Variants in LOXL2 observed in about 807,000 individuals in gnomAD.
The protein encoded by LOXL2 is lysyl oxidase homolog 2.
A neutral mutation model predicts 93.0 loss-of-function variants in LOXL2; 70 were observed. The ratio of observed to expected loss-of-function variants is 0.75; its 90% CI spans 0.62 to 0.92. The LOEUF is 0.92. Ranked by LOEUF, LOXL2 falls within the 40% of genes least tolerant of loss-of-function variation. LOXL2 has a pLI of 0.00. For synonymous variants in LOXL2, 438 were observed against 413.2 expected, an observed-to-expected ratio of 1.06 and a Z score of -0.73; for missense variants, 973 against 1,054.9, an observed-to-expected ratio of 0.92 and a Z score of 1.08.
chr8:23,388,184 T>C (rs1400132022), intron 1 of LOXL2, among the ~76,000 whole-genome samples: 1 of 152,290 alleles, frequency 6.6e-6, no homozygotes, highest in East Asian at 1.9e-4. Context: ...GTTGCTTACA[T>C]TTAATTTTGA....
At chr8:23,305,510 C>G (rs1276414664) in intron 10 of LOXL2, among the ~76,000 whole-genome samples, 2 of 150,314 alleles carry the variant, frequency 1.3e-5, no homozygotes, top group African/African-American at 4.9e-5. Flanking sequence ...CCCCCCCACA[C>G]CCCCCGCCCA....
chr8:23,384,263 G>C (rs992045661), intron 1 of LOXL2, among the ~76,000 whole-genome samples: 2 of 152,186 alleles, frequency 1.3e-5, no homozygotes, highest in African/African-American at 4.8e-5. Context: ...TGATCCCAGC[G>C]AAGCACAGCT....
In LOXL2 at chr8:23,404,039, T is replaced by G. The variant is rs1018664021; in HGVS notation, c.-169A>C. The stretch of plus-strand genomic sequence containing the variant: ...CGCTTCCGCCGCCGCTGAGCCCCTT[T>G]CTCGAGCAGAGGGGGCGGCTCTGGT... On this transcript the variant is annotated 5_prime_UTR_variant, in exon 1 of 14. Transcript: ENST00000389131. The G allele has an allele frequency of 2.6e-5, 5 of 193,786 alleles. No homozygotes were observed. Among genetic ancestry groups the G allele is most frequent in the African/African-American group, 1.2e-4 (5 of 41,802 alleles). The allele number at this position is 193,786 out of a possible 1,614,324, so 12.0% of individuals were successfully genotyped here.
chr8:23,330,324 A>G (rs1363952123), intron 5 of LOXL2, among the ~76,000 whole-genome samples: 1 of 147,142 alleles, frequency 6.8e-6, no homozygotes. Flanking sequence ...AAAGAGCGAG[A>G]CTCCGTCTCA....
chr8:23,306,700 C>G (rs912333455), intron 10 of LOXL2, among the ~76,000 whole-genome samples: 1 of 152,266 alleles, frequency 6.6e-6, no homozygotes, highest in Non-Finnish European at 1.5e-5. Context: ...CTGGAGCCCA[C>G]ACGCCCTGCT....
chr8:23,337,456 A>G (rs371947313), intron 4 of LOXL2: 36 of 152,178 alleles, frequency 2.4e-4, no homozygotes, highest in African/African-American at 8.4e-4. Context: ...GAGGTCTTAA[A>G]GGTAAGATCC....
chr8:23,396,033 G>A (rs1800085709), intron 1 of LOXL2, among the ~76,000 whole-genome samples: 1 of 152,074 alleles, frequency 6.6e-6, no homozygotes, highest in South Asian at 2.1e-4. Flanking sequence ...TACTTAAGAA[G>A]AGAGAGAAGT....
At chr8:23,332,227 CT>C (rs1315760301) in intron 5 of LOXL2, among the ~76,000 whole-genome samples, 1 of 117,092 alleles carries the variant, frequency 8.5e-6, no homozygotes, top group Non-Finnish European at 1.8e-5. Context: ...CACACACCCC[CT>C]ACACACTCAC....
chr8:23,306,391 C>T (rs1308307971), intron 10 of LOXL2, among the ~76,000 whole-genome samples: 1 of 152,196 alleles, frequency 6.6e-6, no homozygotes, highest in Non-Finnish European at 1.5e-5. Context: ...GGGCAACACT[C>T]CTGTCCTCGT....
At chr8:23,382,807 A>G (rs1290189209) in intron 1 of LOXL2, among the ~76,000 whole-genome samples, 1 of 152,014 alleles carries the variant, frequency 6.6e-6, no homozygotes, top group Non-Finnish European at 1.5e-5. Flanking sequence ...AGAACTCCGT[A>G]ATGCTTCCTG....
intron 1 of LOXL2, among the ~76,000 whole-genome samples, chr8:23,400,012 C>G (rs1188996269): frequency 6.6e-6 from 1 of 152,250 alleles, no homozygotes; most frequent in Non-Finnish European, 1.5e-5. Context: ...TTCAAAGCAA[C>G]AAGCGTAACA....
chr8:23,359,406 G>A (rs1220105920), intron 3 of LOXL2, among the ~76,000 whole-genome samples: 1 of 152,154 alleles, frequency 6.6e-6, no homozygotes, highest in Non-Finnish European at 1.5e-5. Flanking sequence ...CTCACTCTGA[G>A]GGAAGACAAC....
chr8:23,304,591 AAG>A (rs985882323), intron 10 of LOXL2, among the ~76,000 whole-genome samples: 3 of 152,216 alleles, frequency 2.0e-5, no homozygotes, highest in African/African-American at 7.2e-5. Flanking sequence ...CTCTTCGGCA[AAG>A]AGGGGAGGGT....
chr8:23,403,468 C>G (rs1301936009), intron 1 of LOXL2, among the ~76,000 whole-genome samples: 1 of 152,134 alleles, frequency 6.6e-6, no homozygotes, highest in Admixed American at 6.5e-5. Context: ...GGGGTCCCCG[C>G]CCCCACTCCG....
chr8:23,398,239 G>T (rs1800118803), intron 1 of LOXL2, among the ~76,000 whole-genome samples: 2 of 152,224 alleles, frequency 1.3e-5, no homozygotes, highest in South Asian at 4.1e-4. Context: ...CTTGTCGTAA[G>T]TGTATGTTTT....
At chr8:23,324,629 C>G (rs1215282524) in intron 6 of LOXL2, among the ~76,000 whole-genome samples, 10 of 152,196 alleles carry the variant, frequency 6.6e-5, no homozygotes, top group East Asian at 5.8e-4. Flanking sequence ...CCTCATGGTG[C>G]CTTCCCCGTC....
intron 6 of LOXL2, among the ~76,000 whole-genome samples, chr8:23,326,194 G>T (rs937120198): frequency 6.6e-6 from 1 of 152,178 alleles, no homozygotes; most frequent in Non-Finnish European, 1.5e-5. Context: ...CATGACAGGA[G>T]ATATCAATCA....
intron 1 of LOXL2, among the ~76,000 whole-genome samples, chr8:23,371,663 A>T (rs1002671390): frequency 6.9e-6 from 1 of 144,334 alleles, no homozygotes; most frequent in Non-Finnish European, 1.5e-5. Context: ...GAGGCAGGAG[A>T]ATGGCGTGAA....
In LOXL2 at chr8:23,309,920, G is replaced by A; in HGVS notation, c.1637-9C>T. ...GACCAGGTCAGGGGCGGCTGCGGAG[G>A]ATGGCATGCTGGTCAACAAGGCAAG... On this transcript the variant is annotated splice_polypyrimidine_tract_variant and intron_variant, in intron 9 of 13. Transcript: ENST00000389131. The A allele has an allele frequency of 6.8e-7, 1 of 1,460,170 alleles. No homozygotes were observed. The highest frequency in any genetic ancestry group is 9.1e-7 in the Non-Finnish European group (1 of 1,095,856). The allele number at this position is 1,460,170 out of a possible 1,614,324, so 90.5% of individuals were successfully genotyped here.
Sources: gnomAD v4.1 joint callset for allele counts (sites outside exome capture counted in the v4.1 genomes callset) on GRCh38, gnomAD v4.1.1 for gene constraint, MANE v1.5 for transcripts, NCBI Gene and HGNC (gene_info 2026-07-23, HGNC 2026-07-21) for gene names.